Variants in COL24A1 observed in about 807,000 individuals in gnomAD.
COL24A1 encodes the protein collagen alpha-1(XXIV) chain.
Under a neutral mutation model 253.9 loss-of-function variants are expected in COL24A1, and 224 were observed. The ratio of observed to expected loss-of-function variants is 0.88; its 90% CI spans 0.79 to 0.99. COL24A1 has a LOEUF of 0.99. Ranked by LOEUF, COL24A1 falls within the 50% of genes least tolerant of loss-of-function variation. The probability of loss-of-function intolerance (pLI) is 0.00; values close to 1 mark genes in which losing one functional copy is unlikely to be tolerated. For missense variants in COL24A1, 2,131 were observed against 2,068.5 expected, an observed-to-expected ratio of 1.03 and a Z score of -0.59; for synonymous variants, 685 against 673.7, an observed-to-expected ratio of 1.02 and a Z score of -0.26.
intron 24 of COL24A1, among the ~76,000 whole-genome samples, chr1:85,943,222 C>T (rs980172551): frequency 5.9e-5 from 9 of 152,330 alleles, no homozygotes; most frequent in Admixed American, 5.2e-4. Context: ...GGCTTTCAGC[C>T]TCAGACTGAG....
chr1:85,735,775 C>T (rs1232767917), intron 58 of COL24A1, among the ~76,000 whole-genome samples: 1 of 151,968 alleles, frequency 6.6e-6, no homozygotes, highest in African/African-American at 2.4e-5. Flanking sequence ...TAGCATTATT[C>T]AAGCAGGGAT....
intron 19 of COL24A1, among the ~76,000 whole-genome samples, chr1:85,988,212 CT>C (rs1429538500): frequency 2.0e-5 from 3 of 151,858 alleles, no homozygotes; most frequent in Non-Finnish European, 4.4e-5. Flanking sequence ...TCTATAAATA[CT>C]TAAGTCCTCA....
chr1:85,764,852 ATTC>A (rs753634927), intron 53 of COL24A1, among the ~76,000 whole-genome samples: 4 of 152,084 alleles, frequency 2.6e-5, no homozygotes, highest in Non-Finnish European at 5.9e-5. Flanking sequence ...GGCTCAAGCA[ATTC>A]TTCTGCTTTA....
intron 7 of COL24A1, among the ~76,000 whole-genome samples, chr1:86,066,555 A>C (rs1701505827): frequency 6.6e-6 from 1 of 151,786 alleles, no homozygotes; most frequent in Non-Finnish European, 1.5e-5. Flanking sequence ...AAATATCCTA[A>C]GTCCCCTTTC....
rs570353474 is a variant in COL24A1 at position 85,772,440 on chromosome 1, A to T, written c.4374+3234T>A. 2.6e-5 allele frequency among the ~76,000 whole-genome samples: 4 copies of T among 152,200 alleles called. No homozygotes were observed. The South Asian group carries it at 8.3e-4, about 32-fold the overall frequency. On this transcript the variant is annotated intron_variant, in intron 53 of 59. Transcript: ENST00000370571. Reference sequence around the variant, plus strand: ...TAGAACTAGAAATACCATTTGACCCAGCCATCCCATTACTGGGTATATACC... The same window carrying T: ...TAGAACTAGAAATACCATTTGACCCTGCCATCCCATTACTGGGTATATACC...
intron 37 of COL24A1, among the ~76,000 whole-genome samples, chr1:85,851,889 G>T (rs1243125029): frequency 6.6e-6 from 1 of 151,966 alleles, no homozygotes; most frequent in African/African-American, 2.4e-5. Context: ...TACGACTTTG[G>T]ACTAACACAA....
intron 58 of COL24A1, 73 bp from the exon 59 acceptor site, chr1:85,735,037 G>A: frequency 7.0e-7 from 1 of 1,438,716 alleles, no homozygotes. Flanking sequence ...AAAACCTGAG[G>A]AAAAGTCCTT....
intron 23 of COL24A1, among the ~76,000 whole-genome samples, chr1:85,962,665 A>G (rs1691190161): frequency 6.6e-6 from 1 of 152,224 alleles, no homozygotes; most frequent in Non-Finnish European, 1.5e-5. Flanking sequence ...GGCATCAGCA[A>G]AGGTATAGAT....
At chr1:86,097,384 CTTTT>C (rs1703981768) in intron 5 of COL24A1, among the ~76,000 whole-genome samples, 3 of 150,954 alleles carry the variant, frequency 2.0e-5, no homozygotes, top group African/African-American at 7.3e-5. Flanking sequence ...TCTTTCTTCT[CTTTT>C]CTTTCTTCGT....
At chr1:85,911,581 C>T in intron 24 of COL24A1, 148 bp from the exon 25 acceptor site, 1 of 694,070 alleles carries the variant, frequency 1.4e-6, no homozygotes, top group Non-Finnish European at 2.6e-6. Context: ...TATAGCTATG[C>T]AGTCTGTGAC....
chr1:85,889,631 A>G lies in COL24A1; in HGVS notation c.2923-18T>C, dbSNP rs1273322938. ...TGTAAACCCTGGACAAATAAAGGCA[A>G]TACTTGTAGGAAAAGTGGTGTGTGA... On this transcript the variant is annotated intron_variant, in intron 31 of 59. Transcript: ENST00000370571. 6.2e-7 allele frequency: 1 copy of G among 1,610,268 alleles called. No individual in the cohort carries two copies. The highest frequency in any genetic ancestry group is 8.5e-7 in the Non-Finnish European group (1 of 1,177,010).
intron 2 of COL24A1, among the ~76,000 whole-genome samples, chr1:86,144,166 T>C (rs1231195188): frequency 6.6e-6 from 1 of 152,102 alleles, no homozygotes; most frequent in Non-Finnish European, 1.5e-5. Context: ...ATTTTAGGTG[T>C]ATAAAATTGA....
At chr1:85,740,256 G>A (rs1377589931) in intron 57 of COL24A1, among the ~76,000 whole-genome samples, 1 of 152,134 alleles carries the variant, frequency 6.6e-6, no homozygotes, top group Non-Finnish European at 1.5e-5. Context: ...CAGTAATATG[G>A]TGTTTCCAGA....
chr1:86,006,686 A>G (rs115981539), intron 19 of COL24A1, among the ~76,000 whole-genome samples: 2,719 of 152,288 alleles, frequency 0.018, 81 homozygotes, highest in African/African-American at 0.062. Flanking sequence ...AACAATGTCA[A>G]GAGAATAAGA....
At chr1:85,736,087 G>T (rs1664018747) in intron 58 of COL24A1, 1 of 282,100 alleles carries the variant, frequency 3.5e-6, no homozygotes. Context: ...AGTAAATTCG[G>T]GTATAACACT....
intron 37 of COL24A1, among the ~76,000 whole-genome samples, chr1:85,861,674 C>T (rs566664884): frequency 6.6e-6 from 1 of 152,270 alleles, no homozygotes; most frequent in South Asian, 2.1e-4. Context: ...ATTGTCTTGG[C>T]GTATGATGTG....
chr1:85,979,017 G>T (rs1558877593), intron 20 of COL24A1, among the ~76,000 whole-genome samples: 1 of 152,038 alleles, frequency 6.6e-6, no homozygotes, highest in African/African-American at 2.4e-5. Context: ...AATAAAACTG[G>T]AAATTAACTC....
At chr1:85,961,431 ACTTT>A in intron 23 of COL24A1, 138 bp from the exon 24 acceptor site, 1 of 673,942 alleles carries the variant, frequency 1.5e-6, no homozygotes, top group Non-Finnish European at 2.6e-6. Flanking sequence ...GTTACTTAAA[ACTTT>A]GTTATAAGTG....
At chr1:86,081,423 CATATGTAGA>C (rs1328554046) in intron 7 of COL24A1, among the ~76,000 whole-genome samples, 2 of 152,104 alleles carry the variant, frequency 1.3e-5, no homozygotes, top group African/African-American at 4.8e-5. Context: ...TCCCTGGCTG[CATATGTAGA>C]ATCTTAAATG....
Sources: allele counts gnomAD v4.1 joint callset (sites outside exome capture counted in the v4.1 genomes callset), GRCh38; gene constraint gnomAD v4.1.1; transcripts MANE v1.5; gene names NCBI Gene and HGNC (gene_info 2026-07-23, HGNC 2026-07-21).